Variants in DMD observed in about 807,000 individuals in gnomAD.
DMD encodes the protein mutant dystrophin.
Under a neutral mutation model 330.1 loss-of-function variants are expected in DMD, and 63 were observed. The observed-to-expected ratio is 0.19, with a 90% confidence interval of 0.16 to 0.24. The LOEUF is 0.24. Among genes scored for constraint, DMD ranks in the 10% least tolerant of loss-of-function variants. DMD has a pLI of 1.00. For missense variants in DMD, 3,344 were observed against 2,684.1 expected, an observed-to-expected ratio of 1.25 and a Z score of -5.43; for synonymous variants, 1,223 against 959.8, an observed-to-expected ratio of 1.27 and a Z score of -5.07.
chrX:31,872,498 G>A (rs1275925479), intron 48 of DMD, among the ~76,000 whole-genome samples: 7 of 111,371 alleles, frequency 6.3e-5, no homozygotes, highest in Admixed American at 1.9e-4. Flanking sequence ...GAGTAAACAG[G>A]ATCTATTTGT....
chrX:32,525,235 T>C (rs967263605), intron 17 of DMD, among the ~76,000 whole-genome samples: 2 of 112,014 alleles, frequency 1.8e-5, no homozygotes, highest in Non-Finnish European at 1.9e-5. Flanking sequence ...ACTCTTTTTG[T>C]CCACACATAA....
At chrX:32,925,145 GTTT>G (rs777224221) in intron 2 of DMD, among the ~76,000 whole-genome samples, 48 of 48,525 alleles carry the variant, frequency 9.9e-4, no homozygotes, top group African/African-American at 2.2e-3. Context: ...AAAACTCTGG[GTTT>G]TTTTTTTTTT....
chrX:32,485,343 T>C (rs957684946), intron 20 of DMD, among the ~76,000 whole-genome samples: 2 of 110,942 alleles, frequency 1.8e-5, no homozygotes, highest in African/African-American at 6.5e-5. Flanking sequence ...GATGACATAA[T>C]TTAGAGCATT....
chrX:32,456,627 T>C (rs2148366400), intron 25 of DMD, among the ~76,000 whole-genome samples: 1 of 106,634 alleles, frequency 9.4e-6, no homozygotes, highest in Admixed American at 1.0e-4. Context: ...TATGTGTGTG[T>C]GTGTGTGCAC....
chrX:32,880,593 C>A (rs1367420581), intron 2 of DMD, among the ~76,000 whole-genome samples: 1 of 112,393 alleles, frequency 8.9e-6, no homozygotes, highest in African/African-American at 3.2e-5. Context: ...CATTTATATG[C>A]CATCTCTTAA....
rs12013663 is a variant in DMD, at chrX:32,202,808, C to T, written c.6438+14108G>A. On this transcript the variant is annotated intron_variant, in intron 44 of 78. Transcript: ENST00000357033. The stretch of plus-strand genomic sequence containing the variant: ...GTTAAATATCTGTCTCCAATCATGA[C>T]TTGAAGTTGCACTCTTTCAAGTATG... Among the ~76,000 whole-genome samples the T allele has an allele frequency of 9.5e-3, 1,064 of 112,372 alleles. 11 individuals are homozygous for T. Among genetic ancestry groups the T allele is most frequent in the African/African-American group, 0.033 (1,011 of 30,938 alleles).
chrX:33,274,230 T>A (rs1474117061), intron 1 of DMD, among the ~76,000 whole-genome samples: 1 of 112,121 alleles, frequency 8.9e-6, no homozygotes. Flanking sequence ...TGTTCATATT[T>A]CTTAAACACA....
Position 31,906,698 on chromosome X carries a change from A to G in DMD, c.6912+22898T>C, listed in dbSNP as rs75611280. The stretch of plus-strand genomic sequence containing the variant: ...TAAAACTGTACAGTGAATTTTCCAG[A>G]GATATCCTTGTATAACATAAGTCAT... On this transcript the variant is annotated intron_variant, in intron 47 of 78. Coordinates refer to ENST00000357033, the MANE Select transcript of DMD (RefSeq NM_004006.3). Among the ~76,000 whole-genome samples, 775 of 111,093 alleles carry G rather than the reference A, an allele frequency of 7.0e-3. 16 individuals carry two copies. The East Asian group carries it at 0.089, about 13-fold the overall frequency.
rs372482766 is a variant in DMD, at chrX:32,342,152, C to T, written c.5870G>A (p.Arg1957Gln). 1.3e-5 allele frequency: 16 copies of T among 1,208,003 alleles called. No individual in the cohort carries two copies. The highest frequency in any genetic ancestry group is 8.8e-5 in the African/African-American group (5 of 57,055). ...CTGAGCAAATTTGCTCTCAATTTCC[C>T]GCCAGCGCTTGCTGAGCTGGATCTG... is the stretch of plus-strand genomic sequence containing the variant. Reference protein sequence around the residue: ...PTQIQLSKRWREIESKFAQFR... With the variant: ...PTQIQLSKRWQEIESKFAQFR... The change falls in exon 41 of 79, where the codon CGG (arginine) becomes CAG (glutamine). Residue 1957 changes from arginine (R) to glutamine (Q), a missense_variant. Transcript: ENST00000357033.
At chrX:31,235,469 T>C (rs2047637177) in intron 63 of DMD, among the ~76,000 whole-genome samples, 2 of 112,421 alleles carry the variant, frequency 1.8e-5, no homozygotes, top group Non-Finnish European at 3.7e-5. Context: ...TAGCTTTATT[T>C]TTCATTCTTA....
At chrX:31,572,369 A>G (rs982529330) in intron 55 of DMD, among the ~76,000 whole-genome samples, 1 of 111,875 alleles carries the variant, frequency 8.9e-6, no homozygotes, top group Non-Finnish European at 1.9e-5. Flanking sequence ...CCACCTTCAG[A>G]TTTCTTTCTT....
At chrX:32,813,752 G>A (rs2077532834) in intron 6 of DMD, among the ~76,000 whole-genome samples, 2 of 111,281 alleles carry the variant, frequency 1.8e-5, no homozygotes, top group Non-Finnish European at 3.8e-5. Flanking sequence ...AGAGGCGAGA[G>A]TAAGAATGTG....
intron 30 of DMD, among the ~76,000 whole-genome samples, chrX:32,399,135 C>T (rs970460554): frequency 2.7e-5 from 3 of 112,131 alleles, no homozygotes; most frequent in African/African-American, 6.5e-5. Context: ...GAAACTACCA[C>T]AAGAAAACTT....
chrX:32,415,365 G>C (rs1171531795), intron 29 of DMD, among the ~76,000 whole-genome samples: 4 of 111,930 alleles, frequency 3.6e-5, no homozygotes, highest in Non-Finnish European at 7.5e-5. Context: ...GTCAATAAGA[G>C]AGGCTGATTT....
intron 30 of DMD, among the ~76,000 whole-genome samples, chrX:32,411,255 C>T (rs2098140702): frequency 2.7e-5 from 3 of 111,095 alleles, no homozygotes; most frequent in Admixed American, 9.6e-5. Context: ...CTCAGCCTCC[C>T]GAGTAGCTGG....
At chrX:32,370,211 G>A (rs1228494783) in intron 34 of DMD, among the ~76,000 whole-genome samples, 1 of 84,477 alleles carries the variant, frequency 1.2e-5, no homozygotes, top group Non-Finnish European at 2.3e-5. Flanking sequence ...TACCTTGAAA[G>A]TGGTAGTGTT....
At chrX:32,822,847 G>T (rs1022920511) in intron 5 of DMD, among the ~76,000 whole-genome samples, 1 of 110,907 alleles carries the variant, frequency 9.0e-6, no homozygotes, top group Admixed American at 9.6e-5. Flanking sequence ...GAGTTTGTAT[G>T]TATTACACAC....
At chrX:33,212,165 T>C (rs923531327), upstream of DMD, among the ~76,000 whole-genome samples, 5 of 112,511 alleles carry the variant, frequency 4.4e-5, no homozygotes, top group Non-Finnish European at 9.4e-5. Flanking sequence ...ACTCTTATAA[T>C]GCAGGAAAGA....
chrX:31,162,755 A>C (rs960839042), intron 74 of DMD, among the ~76,000 whole-genome samples: 7 of 112,010 alleles, frequency 6.2e-5, no homozygotes, highest in Non-Finnish European at 1.1e-4. Flanking sequence ...GATAATTAGG[A>C]TAAAGGGAGA....
Sources: gnomAD v4.1 joint callset for allele counts (sites outside exome capture counted in the v4.1 genomes callset) on GRCh38, gnomAD v4.1.1 for gene constraint, MANE v1.5 for transcripts, NCBI Gene and HGNC (gene_info 2026-07-23, HGNC 2026-07-21) for gene names.